Variants in KLHL1 observed in about 807,000 individuals in gnomAD.
KLHL1 encodes the protein kelch-like protein 1.
KLHL1 carries 47 observed loss-of-function variants against 77.7 expected under a neutral mutation model. The observed-to-expected ratio is 0.60, with a 90% CI of 0.48 to 0.77. The LOEUF (loss-of-function observed/expected upper bound fraction) is 0.77. Among genes scored for constraint, KLHL1 ranks in the 30% least tolerant of loss-of-function variants. The pLI, the probability that KLHL1 is intolerant of heterozygous loss-of-function variation, is 0.00. For synonymous variants in KLHL1, 360 were observed against 325.2 expected (o/e 1.11, Z -1.15); for missense variants, 925 against 910.8 (o/e 1.02, Z -0.20).
At chr13:70,012,175 CA>C (rs1332430412) in intron 1 of KLHL1, among the ~76,000 whole-genome samples, 3 of 152,058 alleles carry the variant, frequency 2.0e-5, no homozygotes, top group African/African-American at 7.2e-5. Flanking sequence ...CAAATCATAT[CA>C]GGTCTCTTAT....
Position 69,796,879 on chromosome 13 carries a change from C to T in KLHL1, c.1498G>A (p.Gly500Ser). The T allele has an allele frequency of 6.2e-7, 1 of 1,614,106 alleles. No individual in the cohort carries two copies. The highest frequency in any genetic ancestry group is 8.5e-7 in the Non-Finnish European group (1 of 1,180,002). ...GMMNGRRLQF[G>S]VAVIDDKLFV... ...AGTTTGTCATCAATAACAGCCACAC[C>T]AAACTGCAGCCTTCTGCCATTCATC... The change falls in exon 7 of 11, where the codon GGT (glycine) becomes AGT (serine). Residue 500 changes from glycine to serine, a missense_variant. By Grantham distance (56) the Gly-to-Ser change is moderately conservative. Transcript: ENST00000377844.
chr13:69,841,148 A>T lies in KLHL1; in HGVS notation c.1228-1986T>A, dbSNP rs191424862. ...TAAAGCATTACAAATAAAAAATAAA[A>T]ATCTTTAAACTTTTTCCCCTTCAAT... On this transcript the variant is annotated intron_variant, in intron 5 of 10. Coordinates refer to ENST00000377844, the MANE Select transcript of KLHL1 (RefSeq NM_020866.3). 3.6e-3 allele frequency among the ~76,000 whole-genome samples: 543 copies of T among 149,902 alleles called. 2 individuals carry two copies. Among genetic ancestry groups the T allele is most frequent in the African/African-American group, 0.013 (517 of 39,696 alleles).
At chr13:69,841,221 T>C (rs2138114347) in intron 5 of KLHL1, among the ~76,000 whole-genome samples, 1 of 151,780 alleles carries the variant, frequency 6.6e-6, no homozygotes, top group African/African-American at 2.4e-5. Context: ...GTCAGAACAA[T>C]CAGGAAAGAG....
chr13:69,773,218 T>G (rs1294200154), intron 7 of KLHL1, among the ~76,000 whole-genome samples: 1 of 152,098 alleles, frequency 6.6e-6, no homozygotes, highest in Non-Finnish European at 1.5e-5. Context: ...TTTAAGGGAA[T>G]ATAATGTAGG....
intron 1 of KLHL1, among the ~76,000 whole-genome samples, chr13:70,086,533 A>T (rs1017033641): frequency 3.7e-5 from 5 of 136,670 alleles, no homozygotes; most frequent in African/African-American, 1.4e-4. Context: ...AGATCCTGCC[A>T]TTGCACTCTA....
intron 10 of KLHL1, 65 bp downstream of exon 10, chr13:69,707,560 C>T: frequency 6.8e-7 from 1 of 1,476,036 alleles, no homozygotes; most frequent in Non-Finnish European, 9.2e-7. Context: ...TATACCCCTC[C>T]TCCACAGAAA....
rs565333800 is a variant in KLHL1 at position 69,913,729 on chromosome 13, T to C, written c.1014+26311A>G. ...AATTACAAAACTGCAATATTGTAGT[T>C]ACTATTTACACTACTCTTTTTATGT... On this transcript the variant is annotated intron_variant, in intron 4 of 10. Coordinates refer to ENST00000377844, the MANE Select transcript of KLHL1 (RefSeq NM_020866.3). Among the ~76,000 whole-genome samples, 173 of 152,354 alleles carry C rather than the reference T, an allele frequency of 1.1e-3. 1 individual carries two copies. The highest frequency in any genetic ancestry group is 0.01 in the Middle Eastern group (3 of 294).
intron 5 of KLHL1, among the ~76,000 whole-genome samples, chr13:69,853,165 C>A (rs1467377563): frequency 6.6e-6 from 1 of 151,966 alleles, no homozygotes; most frequent in Non-Finnish European, 1.5e-5. Context: ...TTGACTGTGA[C>A]CCTACCCAAA....
chr13:69,754,029 T>C (rs1272948768), intron 7 of KLHL1, among the ~76,000 whole-genome samples: 1 of 151,580 alleles, frequency 6.6e-6, no homozygotes, highest in Non-Finnish European at 1.5e-5. Flanking sequence ...TTAGTAGAGA[T>C]GGGGGTGTAC....
At chr13:70,086,809 A>C (rs2137436945) in intron 1 of KLHL1, among the ~76,000 whole-genome samples, 1 of 151,374 alleles carries the variant, frequency 6.6e-6, no homozygotes, top group Middle Eastern at 3.4e-3. Context: ...TATCTTTCTT[A>C]GATTTTGCTG....
chr13:69,810,360 T>C (rs1002624028), intron 6 of KLHL1, among the ~76,000 whole-genome samples: 1 of 152,024 alleles, frequency 6.6e-6, no homozygotes, highest in Non-Finnish European at 1.5e-5. Flanking sequence ...CACAGTGGAA[T>C]AAAAACAGAC....
intron 1 of KLHL1, among the ~76,000 whole-genome samples, chr13:70,037,601 GTTTC>G (rs1184978763): frequency 6.6e-6 from 1 of 151,614 alleles, no homozygotes; most frequent in Non-Finnish European, 1.5e-5. Flanking sequence ...CTCTTCTTTA[GTTTC>G]TTTTTTTCTT....
At chr13:69,772,359 T>C (rs1875614114) in intron 7 of KLHL1, among the ~76,000 whole-genome samples, 1 of 151,638 alleles carries the variant, frequency 6.6e-6, no homozygotes, top group Non-Finnish European at 1.5e-5. Context: ...AACAGCAAAT[T>C]TTTTCTCATT....
intron 1 of KLHL1, among the ~76,000 whole-genome samples, chr13:69,987,748 CA>C (rs1884912520): frequency 6.6e-6 from 1 of 151,776 alleles, no homozygotes; most frequent in Non-Finnish European, 1.5e-5. Context: ...GTAAAATACA[CA>C]GATAAAAATA....
chr13:70,030,798 T>C (rs924086231), intron 1 of KLHL1, among the ~76,000 whole-genome samples: 6 of 151,968 alleles, frequency 3.9e-5, no homozygotes, highest in Non-Finnish European at 8.8e-5. Flanking sequence ...AATCAATGAA[T>C]CCAGGAGCTG....
chr13:69,817,577 A>G (rs1015834692), intron 6 of KLHL1, among the ~76,000 whole-genome samples: 1 of 152,182 alleles, frequency 6.6e-6, no homozygotes, highest in African/African-American at 2.4e-5. Context: ...GCAAGTCTGT[A>G]TCATAGAAGT....
chr13:69,990,425 C>T (rs996187450), intron 1 of KLHL1, among the ~76,000 whole-genome samples: 1 of 151,874 alleles, frequency 6.6e-6, no homozygotes, highest in Non-Finnish European at 1.5e-5. Flanking sequence ...TGAAGAGACC[C>T]ATCTCATCTG....
In KLHL1 at chr13:70,081,897, A is replaced by ATTG. The variant is rs143160500; in HGVS notation, c.497+25305_497+25306insCAA. Among the ~76,000 whole-genome samples the ATTG allele has an allele frequency of 9.2e-3, 1,400 of 152,262 alleles. 13 individuals are homozygous for ATTG. Among genetic ancestry groups the ATTG allele is most frequent in the African/African-American group, 0.031 (1,297 of 41,544 alleles). ...AAAACTAATAGAGTTGGTCACTGAT[A>ATTG]TTTGGATTTATGTCCTCACTAAATC... On this transcript the variant is annotated intron_variant, in intron 1 of 10. Coordinates refer to ENST00000377844, the MANE Select transcript of KLHL1 (RefSeq NM_020866.3).
chr13:69,907,149 G>T (rs1199417745), intron 4 of KLHL1, among the ~76,000 whole-genome samples: 1 of 151,906 alleles, frequency 6.6e-6, no homozygotes, highest in Non-Finnish European at 1.5e-5. Context: ...GGTAACATAG[G>T]TTCATTGGTG....
Sources: gnomAD v4.1 joint callset for allele counts (sites outside exome capture counted in the v4.1 genomes callset) on GRCh38, gnomAD v4.1.1 for gene constraint, MANE v1.5 for transcripts, NCBI Gene and HGNC (gene_info 2026-07-23, HGNC 2026-07-21) for gene names.